Variants in IGSF11 observed in about 807,000 individuals in gnomAD.
IGSF11 encodes the protein CXADR like 1.
IGSF11 carries 22 observed loss-of-function variants against 41.0 expected under a neutral mutation model. That is an observed-to-expected ratio of 0.54 (90% CI 0.38 to 0.77). The LOEUF (loss-of-function observed/expected upper bound fraction) is 0.77. Among genes scored for constraint, IGSF11 ranks in the 30% least tolerant of loss-of-function variants. IGSF11 has a pLI of 0.00. For missense variants in IGSF11, 444 were observed against 530.8 expected (o/e 0.84, Z 1.61); for synonymous variants, 219 against 201.3 (o/e 1.09, Z -0.74).
intron 1 of IGSF11, among the ~76,000 whole-genome samples, chr3:119,055,577 AC>A (rs1452905771): frequency 6.6e-6 from 1 of 152,238 alleles, no homozygotes; most frequent in African/African-American, 2.4e-5. Flanking sequence ...CAGAAAGTTA[AC>A]AAGGATACCC....
intron 1 of IGSF11, among the ~76,000 whole-genome samples, chr3:118,979,861 T>C (rs1419160033): frequency 6.6e-6 from 1 of 151,974 alleles, no homozygotes; most frequent in East Asian, 1.9e-4. Flanking sequence ...AAGACGTACA[T>C]AGAAATTTTC....
chr3:119,045,234 G>A (rs1024892149), intron 1 of IGSF11, among the ~76,000 whole-genome samples: 12 of 152,188 alleles, frequency 7.9e-5, no homozygotes, highest in South Asian at 2.1e-4. Flanking sequence ...CTGAGGTACC[G>A]GGTTCACTTC....
chr3:119,065,738 A>G (rs1401023756), intron 1 of IGSF11, among the ~76,000 whole-genome samples: 4 of 145,162 alleles, frequency 2.8e-5, no homozygotes, highest in Non-Finnish European at 5.9e-5. Flanking sequence ...TGTTGCAGTG[A>G]GCCAACATCG....
intron 1 of IGSF11, among the ~76,000 whole-genome samples, chr3:119,046,141 G>A (rs1412813632): frequency 1.7e-4 from 26 of 150,836 alleles, no homozygotes; most frequent in Admixed American, 1.1e-3. Flanking sequence ...AAAGCTGGAT[G>A]GAGAATGACT....
At chr3:119,092,995 G>A (rs2076789751) in intron 1 of IGSF11, among the ~76,000 whole-genome samples, 1 of 152,136 alleles carries the variant, frequency 6.6e-6, no homozygotes, top group Non-Finnish European at 1.5e-5. Context: ...ATCGAGGTTT[G>A]TGTCAGTACA....
At chr3:119,029,277 CGA>C (rs10662903) in intron 1 of IGSF11, among the ~76,000 whole-genome samples, 9 of 146,296 alleles carry the variant, frequency 6.2e-5, no homozygotes, top group Admixed American at 1.4e-4. Context: ...CACACACACC[CGA>C]GAGAGAGAGA....
intron 1 of IGSF11, among the ~76,000 whole-genome samples, chr3:119,133,155 A>C (rs983704567): frequency 1.3e-5 from 2 of 152,212 alleles, no homozygotes; most frequent in Non-Finnish European, 2.9e-5. Context: ...CAATTAAAAG[A>C]ACTAGAGAAG....
intron 4 of IGSF11, among the ~76,000 whole-genome samples, chr3:118,922,225 T>A (rs573964746): frequency 2.6e-5 from 4 of 152,298 alleles, no homozygotes; most frequent in African/African-American, 9.6e-5. Flanking sequence ...AGATAATTAT[T>A]TGTTGCGAGG....
intron 4 of IGSF11, among the ~76,000 whole-genome samples, chr3:118,917,337 T>C (rs1397413357): frequency 6.7e-6 from 1 of 149,030 alleles, no homozygotes; most frequent in Non-Finnish European, 1.5e-5. Context: ...TCTGAAAGGA[T>C]CAACAAAATT....
At chr3:118,976,415 G>A (rs1934108133) in intron 1 of IGSF11, among the ~76,000 whole-genome samples, 1 of 152,104 alleles carries the variant, frequency 6.6e-6, no homozygotes, top group Non-Finnish European at 1.5e-5. Flanking sequence ...CTTGTACATA[G>A]GAAATCCCGA....
At chr3:119,127,429 G>A (rs2077418754) in intron 1 of IGSF11, among the ~76,000 whole-genome samples, 1 of 152,032 alleles carries the variant, frequency 6.6e-6, no homozygotes, top group South Asian at 2.1e-4. Context: ...AGGGAGAATG[G>A]AAACAAGATG....
chr3:118,945,613 T>C (rs966108890), intron 1 of IGSF11, among the ~76,000 whole-genome samples: 2 of 152,326 alleles, frequency 1.3e-5, no homozygotes, highest in Admixed American at 6.5e-5. Context: ...ATAATGGGGA[T>C]AGAAGGCACT....
At chr3:119,009,148 C>T (rs1937780989) in intron 1 of IGSF11, among the ~76,000 whole-genome samples, 1 of 152,140 alleles carries the variant, frequency 6.6e-6, no homozygotes, top group African/African-American at 2.4e-5. Flanking sequence ...TAGTCTATTT[C>T]CTTCAATGTT....
At chr3:118,930,976 G>C (rs1237537290) in intron 1 of IGSF11, among the ~76,000 whole-genome samples, 1 of 152,160 alleles carries the variant, frequency 6.6e-6, no homozygotes, top group Non-Finnish European at 1.5e-5. Context: ...TTTAAAACTT[G>C]CTATATAGCT....
chr3:119,133,265 C>T (rs1406319508), intron 1 of IGSF11, among the ~76,000 whole-genome samples: 3 of 151,998 alleles, frequency 2.0e-5, no homozygotes, highest in Non-Finnish European at 4.4e-5. Flanking sequence ...TTCAAAAAAT[C>T]AATGAATCCA....
chr3:118,974,144 G>A (rs1269623973), intron 1 of IGSF11, among the ~76,000 whole-genome samples: 1 of 151,894 alleles, frequency 6.6e-6, no homozygotes, highest in Non-Finnish European at 1.5e-5. Flanking sequence ...AGAAAATAGG[G>A]TTCATACAGA....
intron 1 of IGSF11, among the ~76,000 whole-genome samples, chr3:119,094,223 TAAAAAAAAAA>T (rs1175348778): frequency 6.0e-4 from 21 of 35,074 alleles, no homozygotes; most frequent in African/African-American, 1.5e-3. Context: ...CATAGCGAAG[TAAAAAAAAAA>T]AAAAAAAAAA....
chr3:119,112,297 G>T (rs950244632), intron 1 of IGSF11, among the ~76,000 whole-genome samples: 1 of 152,184 alleles, frequency 6.6e-6, no homozygotes, highest in Non-Finnish European at 1.5e-5. Flanking sequence ...CCTGGGCAAT[G>T]GTGGGCGCCC....
intron 1 of IGSF11, among the ~76,000 whole-genome samples, chr3:118,985,916 C>A (rs577197407): frequency 6.6e-6 from 1 of 152,090 alleles, no homozygotes; most frequent in African/African-American, 2.4e-5. Context: ...CAGTATAGAG[C>A]CTTGAAATGA....
Sources: allele counts gnomAD v4.1 joint callset (sites outside exome capture counted in the v4.1 genomes callset), GRCh38; gene constraint gnomAD v4.1.1; transcripts MANE v1.5; gene names NCBI Gene and HGNC (gene_info 2026-07-23, HGNC 2026-07-21).